Variants in GABRB3 observed in about 807,000 individuals in gnomAD.
The protein encoded by GABRB3 is gamma-aminobutyric acid receptor subunit beta-3.
Under a neutral mutation model 52.1 loss-of-function variants are expected in GABRB3, and 14 were observed. The observed-to-expected ratio is 0.27, with a 90% CI of 0.18 to 0.42. The LOEUF (loss-of-function observed/expected upper bound fraction) is 0.42. GABRB3 is among the 10% of genes least tolerant of loss of function. GABRB3 has a pLI of 1.00. For synonymous variants in GABRB3, 260 were observed against 232.3 expected (o/e 1.12, Z -1.08); for missense variants, 307 against 609.1 (o/e 0.50, Z 5.22).
At chr15:26,722,398 G>A (rs1329562563) in intron 3 of GABRB3, among the ~76,000 whole-genome samples, 1 of 152,162 alleles carries the variant, frequency 6.6e-6, no homozygotes, top group Non-Finnish European at 1.5e-5. Flanking sequence ...AGGCCCTCCA[G>A]TTGTTTATTC....
intron 3 of GABRB3, among the ~76,000 whole-genome samples, chr15:26,627,254 A>C (rs1892734745): frequency 6.6e-6 from 1 of 151,566 alleles, no homozygotes; most frequent in African/African-American, 2.4e-5. Context: ...TTTTCAATGT[A>C]CCTGGTCACT....
chr15:26,729,781 C>A (rs1357521539), intron 3 of GABRB3, among the ~76,000 whole-genome samples: 3 of 152,176 alleles, frequency 2.0e-5, no homozygotes, highest in East Asian at 3.9e-4. Context: ...GCAGCAGGGC[C>A]TTCCCTGCAC....
At chr15:26,672,804 G>A (rs183473103) in intron 3 of GABRB3, among the ~76,000 whole-genome samples, 66 of 152,218 alleles carry the variant, frequency 4.3e-4, no homozygotes, top group Non-Finnish European at 2.2e-4. Context: ...TTACAAGGAC[G>A]GATGAAAAAT....
intron 3 of GABRB3, among the ~76,000 whole-genome samples, chr15:26,683,438 G>A (rs917050545): frequency 6.6e-6 from 1 of 151,972 alleles, no homozygotes; most frequent in African/African-American, 2.4e-5. Flanking sequence ...CAATTGGTCT[G>A]TTCTTTGCTC....
chr15:26,577,220 A>G (rs777480388), intron 6 of GABRB3, among the ~76,000 whole-genome samples: 30 of 151,948 alleles, frequency 2.0e-4, no homozygotes, highest in Non-Finnish European at 3.8e-4. Flanking sequence ...AGGTCCATAA[A>G]CTCCAAGAAG....
intron 8 of GABRB3, chr15:26,557,979 C>A (rs1027850910): frequency 6.6e-6 from 1 of 152,038 alleles, no homozygotes; most frequent in Non-Finnish European, 1.5e-5. Flanking sequence ...TAAACAGTCA[C>A]ATTTAGAAGA....
At chr15:26,731,999 G>GTGGACAGA (rs560662255) in intron 3 of GABRB3, among the ~76,000 whole-genome samples, 160 of 152,154 alleles carry the variant, frequency 1.1e-3, no homozygotes, top group African/African-American at 3.7e-3. Context: ...AGATGGACGC[G>GTGGACAGA]TGGACAGATG....
intron 4 of GABRB3, among the ~76,000 whole-genome samples, chr15:26,600,164 C>A (rs1891536714): frequency 6.6e-6 from 1 of 151,478 alleles, no homozygotes; most frequent in Admixed American, 6.6e-5. Context: ...AGCTGGAAGA[C>A]AAAATATTTG....
At chr15:26,567,537 T>TA (rs771812009) in intron 7 of GABRB3, 44 bp downstream of exon 7, 40 of 1,587,686 alleles carry the variant, frequency 2.5e-5, no homozygotes, top group Middle Eastern at 1.7e-4. Flanking sequence ...ACTGTAATGA[T>TA]ACGGTTACTT....
intron 4 of GABRB3, among the ~76,000 whole-genome samples, chr15:26,586,782 T>C (rs1891010356): frequency 6.6e-6 from 1 of 151,254 alleles, no homozygotes; most frequent in Non-Finnish European, 1.5e-5. Context: ...TTATGCTAAG[T>C]GAAATAAGTC....
In GABRB3 at chr15:26,580,194, T is replaced by C. The variant is rs1890736701; in HGVS notation, c.682+125A>G. On this transcript the variant is annotated intron_variant, in intron 6 of 8. Coordinates refer to ENST00000311550, the MANE Select transcript of GABRB3 (RefSeq NM_000814.6). Reference sequence around the variant, plus strand: ...AGAGAGGAGGGGTGTGTGTGATGTGTGAATGATAACAGCACTCCTTCCGAT... The same window carrying C: ...AGAGAGGAGGGGTGTGTGTGATGTGCGAATGATAACAGCACTCCTTCCGAT... 2.6e-6 allele frequency: 3 copies of C among 1,151,594 alleles called. No homozygotes were observed. In the African/African-American group the frequency reaches 4.5e-5, roughly 17 times the overall value. 71.3% of individuals were successfully genotyped at this position (1,151,594 alleles called of 1,614,324 possible).
intron 7 of GABRB3, among the ~76,000 whole-genome samples, chr15:26,562,116 G>A (rs1165414105): frequency 6.6e-6 from 1 of 152,178 alleles, no homozygotes; most frequent in African/African-American, 2.4e-5. Context: ...TGAGGCCATA[G>A]ACACCAGGAG....
intron 3 of GABRB3, among the ~76,000 whole-genome samples, chr15:26,676,042 G>A (rs1888058592): frequency 6.6e-6 from 1 of 152,206 alleles, no homozygotes; most frequent in South Asian, 2.1e-4. Context: ...AACTTATGCA[G>A]TATTCAAGTG....
Position 26,628,781 on chromosome 15 carries a change from C to T in GABRB3, c.241-7247G>A, listed in dbSNP as rs117486957. The stretch of plus-strand genomic sequence containing the variant: ...TCCACAGGGTGGACCTCACATTCTA[C>T]CTAGGTTGGTGACCCCCCCAGGGTA... On this transcript the variant is annotated intron_variant, in intron 3 of 8. Coordinates refer to ENST00000311550, the MANE Select transcript of GABRB3 (RefSeq NM_000814.6). 0.01 allele frequency among the ~76,000 whole-genome samples: 1,537 copies of T among 152,302 alleles called. 16 individuals carry two copies. The highest frequency in any genetic ancestry group is 0.02 in the Middle Eastern group (6 of 294).
At chr15:26,608,634 G>C (rs1891931910) in intron 4 of GABRB3, among the ~76,000 whole-genome samples, 1 of 151,974 alleles carries the variant, frequency 6.6e-6, no homozygotes, top group African/African-American at 2.4e-5. Context: ...AAAAAATGGA[G>C]AAGGAACCTA....
intron 3 of GABRB3, among the ~76,000 whole-genome samples, chr15:26,730,748 C>T (rs2140149724): frequency 6.6e-6 from 1 of 152,294 alleles, no homozygotes; most frequent in East Asian, 1.9e-4. Context: ...GCCAGATGTC[C>T]AAGCTTAAAT....
At chr15:26,735,727 T>A (rs1360242292) in intron 3 of GABRB3, among the ~76,000 whole-genome samples, 3 of 152,046 alleles carry the variant, frequency 2.0e-5, no homozygotes, top group Non-Finnish European at 2.9e-5. Flanking sequence ...GGCAAAAGGA[T>A]CGCTTGAGCC....
At chr15:26,642,954 C>A (rs1893245942) in intron 3 of GABRB3, among the ~76,000 whole-genome samples, 1 of 152,108 alleles carries the variant, frequency 6.6e-6, no homozygotes, top group Non-Finnish European at 1.5e-5. Flanking sequence ...TCCCTCGGGG[C>A]TTCCCTGCTA....
At position 26,657,407 on chromosome 15, in the gene GABRB3, A is replaced by AT. The variant is rs1375472835; in HGVS notation, c.241-35874dup. On this transcript the variant is annotated intron_variant, in intron 3 of 8. Coordinates refer to ENST00000311550, the MANE Select transcript of GABRB3 (RefSeq NM_000814.6). Reference sequence around the variant, plus strand: ...TATTCCGACAATGAAACATTAACACATGAATACTCACTTGCCCTAGTTTAG... The same window carrying AT: ...TATTCCGACAATGAAACATTAACACATTGAATACTCACTTGCCCTAGTTTAG... 23 of 152,358 alleles carry AT rather than the reference A, an allele frequency of 1.5e-4. 1 individual carries two copies. The highest frequency in any genetic ancestry group is 1.3e-3 in the Admixed American group (20 of 15,304). 9.4% of individuals were successfully genotyped at this position (152,358 alleles called of 1,614,324 possible). A position where few individuals can be genotyped will look rare whatever the true frequency, so the allele number is the denominator to read the frequency against.
Sources: gnomAD v4.1 joint callset for allele counts (sites outside exome capture counted in the v4.1 genomes callset) on GRCh38, gnomAD v4.1.1 for gene constraint, MANE v1.5 for transcripts, NCBI Gene and HGNC (gene_info 2026-07-23, HGNC 2026-07-21) for gene names.